Variants in TPRG1 observed in about 807,000 individuals in gnomAD.
The protein encoded by TPRG1 is tumor protein p63-regulated gene 1 protein.
In TPRG1, 29 loss-of-function variants were observed where a neutral mutation model predicts 29.3. The observed-to-expected ratio is 0.99, with a 90% confidence interval of 0.74 to 1.35. TPRG1 has a LOEUF of 1.35. TPRG1 is among the 40% of genes most tolerant of loss of function. The pLI, the probability that TPRG1 is intolerant of heterozygous loss-of-function variation, is 0.00. For synonymous variants in TPRG1, 130 were observed against 116.8 expected (o/e 1.11, Z -0.73); for missense variants, 327 against 335.0 (o/e 0.98, Z 0.19).
intron 4 of TPRG1, among the ~76,000 whole-genome samples, chr3:189,296,631 AGGACATT>A (rs1366483755): frequency 2.6e-5 from 4 of 152,186 alleles, no homozygotes; most frequent in Non-Finnish European, 5.9e-5. Context: ...ACTAGAAATA[AGGACATT>A]GGAAAACTAG....
At chr3:189,157,130 A>C (rs1171969158) in intron 5 of TPRG1, among the ~76,000 whole-genome samples, 1 of 152,186 alleles carries the variant, frequency 6.6e-6, no homozygotes, top group East Asian at 1.9e-4. Context: ...AGAGTGCTAC[A>C]GCCAATGTTT....
chr3:189,117,041 C>T (rs1355700376), intron 1 of TPRG1, among the ~76,000 whole-genome samples: 10 of 152,244 alleles, frequency 6.6e-5, no homozygotes, highest in East Asian at 1.9e-4. Context: ...CATACCAGTT[C>T]GCCTGTCCTC....
chr3:189,051,951 A>G (rs900979225), intron 4 of TPRG1, among the ~76,000 whole-genome samples: 7 of 152,200 alleles, frequency 4.6e-5, no homozygotes, highest in Admixed American at 3.3e-4. Context: ...AACTCCAGAT[A>G]TATTAAGGAC....
chr3:189,295,138 T>G (rs1719682541), intron 4 of TPRG1, among the ~76,000 whole-genome samples: 1 of 152,220 alleles, frequency 6.6e-6, no homozygotes, highest in Admixed American at 6.5e-5. Flanking sequence ...CCTGGTTAAA[T>G]CGCCACTTCT....
chr3:189,231,756 T>C (rs1738690532), intron 3 of TPRG1, among the ~76,000 whole-genome samples: 2 of 152,224 alleles, frequency 1.3e-5, no homozygotes, highest in Admixed American at 1.3e-4. Flanking sequence ...AGGAATCTTG[T>C]GCTCATCTGT....
intron 4 of TPRG1, among the ~76,000 whole-genome samples, chr3:189,297,276 C>T (rs1050644698): frequency 2.5e-4 from 38 of 152,148 alleles, no homozygotes; most frequent in African/African-American, 4.3e-4. Flanking sequence ...CCACCATGCC[C>T]GGCCACTGAT....
intron 4 of TPRG1, among the ~76,000 whole-genome samples, chr3:189,083,149 A>G (rs1410214816): frequency 6.6e-6 from 1 of 152,170 alleles, no homozygotes; most frequent in East Asian, 1.9e-4. Flanking sequence ...TTCTTGGCAC[A>G]AGCATAACCG....
At chr3:189,176,324 A>G (rs568272671) in intron 1 of TPRG1, among the ~76,000 whole-genome samples, 2 of 152,310 alleles carry the variant, frequency 1.3e-5, no homozygotes, top group East Asian at 3.9e-4. Context: ...TATTTATTGA[A>G]CAATGGTTCA....
intron 4 of TPRG1, among the ~76,000 whole-genome samples, chr3:189,244,916 T>C (rs1343140113): frequency 1.3e-5 from 2 of 152,174 alleles, no homozygotes; most frequent in African/African-American, 4.8e-5. Context: ...TTGATCTCTA[T>C]CTCTGCTCTC....
chr3:189,173,356 T>C (rs1250664204), intron 1 of TPRG1, among the ~76,000 whole-genome samples: 1 of 150,200 alleles, frequency 6.7e-6, no homozygotes, highest in Admixed American at 6.6e-5. Flanking sequence ...TTTTTTTTTT[T>C]TGAGACAGAG....
At chr3:189,281,946 T>A (rs540059439) in intron 4 of TPRG1, among the ~76,000 whole-genome samples, 108 of 152,106 alleles carry the variant, frequency 7.1e-4, no homozygotes, top group African/African-American at 2.5e-3. Flanking sequence ...AGTGGCATGA[T>A]CTCAGCTCAC....
chr3:189,232,711 G>C (rs1738852066), intron 3 of TPRG1, among the ~76,000 whole-genome samples: 1 of 152,174 alleles, frequency 6.6e-6, no homozygotes. Flanking sequence ...AACAGGGAAG[G>C]TTGGTGACCA....
intron 4 of TPRG1, among the ~76,000 whole-genome samples, chr3:189,296,545 A>G (rs1297200055): frequency 6.6e-6 from 1 of 152,172 alleles, no homozygotes; most frequent in Admixed American, 6.5e-5. Context: ...TTCATGGCAT[A>G]TTCCATAGTG....
intron 4 of TPRG1, among the ~76,000 whole-genome samples, chr3:189,284,903 C>T (rs980675483): frequency 3.9e-5 from 6 of 152,086 alleles, no homozygotes; most frequent in Non-Finnish European, 8.8e-5. Context: ...TCTAAAACAC[C>T]AAAAGCAATG....
At chr3:189,278,755 G>C (rs1438113369) in intron 4 of TPRG1, among the ~76,000 whole-genome samples, 1 of 152,132 alleles carries the variant, frequency 6.6e-6, no homozygotes, top group African/African-American at 2.4e-5. Flanking sequence ...TAATCCAGGT[G>C]TCATCACCAC....
rs370073739 is a variant in TPRG1 at position 189,161,764 on chromosome 3, G to T, written c.-10+10892G>T. ...AGAGCTCTCAGATTAATCAGGGAATGACAATAGTCTAGAAATAATTATATT... is the reference window on the plus strand; with the variant it reads ...AGAGCTCTCAGATTAATCAGGGAATTACAATAGTCTAGAAATAATTATATT... On this transcript the variant is annotated intron_variant, in intron 5 of 6. Coordinates refer to the TPRG1 transcript ENST00000412373. 1.5e-4 allele frequency among the ~76,000 whole-genome samples: 23 copies of T among 152,296 alleles called. No individual in the cohort carries two copies. In the East Asian group the frequency reaches 4.1e-3, roughly 27 times the overall value.
intron 4 of TPRG1, among the ~76,000 whole-genome samples, chr3:189,284,893 T>C (rs1012037427): frequency 2.0e-5 from 3 of 152,116 alleles, no homozygotes; most frequent in Non-Finnish European, 4.4e-5. Context: ...GGACTTCATG[T>C]CTAAAACACC....
At chr3:189,275,106 C>G (rs1259128322) in intron 4 of TPRG1, among the ~76,000 whole-genome samples, 1 of 152,050 alleles carries the variant, frequency 6.6e-6, no homozygotes, top group African/African-American at 2.4e-5. Context: ...ACAGAATCAC[C>G]TGCAGTGAAG....
intron 2 of TPRG1, among the ~76,000 whole-genome samples, chr3:189,214,354 T>C (rs1735714355): frequency 6.6e-6 from 1 of 152,168 alleles, no homozygotes; most frequent in Non-Finnish European, 1.5e-5. Flanking sequence ...CCATGTTGTG[T>C]CATTAAAGAA....
Sources: gnomAD v4.1 joint callset for allele counts (sites outside exome capture counted in the v4.1 genomes callset) on GRCh38, gnomAD v4.1.1 for gene constraint, MANE v1.5 for transcripts, NCBI Gene and HGNC (gene_info 2026-07-23, HGNC 2026-07-21) for gene names.